PLXNA4: variants seen among roughly 807,000 people sequenced by gnomAD.
PLXNA4 encodes plexin-A4.
Under a neutral mutation model 191.8 loss-of-function variants are expected in PLXNA4, and 44 were observed. That is an observed-to-expected ratio of 0.23 (90% confidence interval 0.18 to 0.29). The LOEUF (loss-of-function observed/expected upper bound fraction) is 0.29, where lower values mean the gene tolerates loss of function less well. Ranked by LOEUF, PLXNA4 falls within the 10% of genes least tolerant of loss-of-function variation. The pLI is 1.00. For synonymous variants in PLXNA4, 1,082 were observed against 1,009.5 expected (o/e 1.07, Z -1.36); for missense variants, 1,800 against 2,488.8 (o/e 0.72, Z 5.89).
At chr7:132,229,082 C>G (rs1037457149) in intron 5 of PLXNA4, among the ~76,000 whole-genome samples, 1 of 152,160 alleles carries the variant, frequency 6.6e-6, no homozygotes, top group Non-Finnish European at 1.5e-5. Flanking sequence ...AAGTGCAGTC[C>G]TCTCCTGCCA....
At chr7:132,394,933 C>T (rs1028829367) in intron 3 of PLXNA4, among the ~76,000 whole-genome samples, 1 of 152,218 alleles carries the variant, frequency 6.6e-6, no homozygotes, top group Non-Finnish European at 1.5e-5. Context: ...GCCGTGGGAC[C>T]AGCCCTGGGG....
chr7:132,457,405 C>T (rs1422330409), intron 3 of PLXNA4, among the ~76,000 whole-genome samples: 2 of 152,214 alleles, frequency 1.3e-5, no homozygotes, highest in African/African-American at 2.4e-5. Context: ...ACATGTCCCC[C>T]ATTGCATCCA....
chr7:132,516,399 T>C (rs1798943868), intron 1 of PLXNA4, among the ~76,000 whole-genome samples: 1 of 152,204 alleles, frequency 6.6e-6, no homozygotes, highest in African/African-American at 2.4e-5. Context: ...AAAGCTGTCT[T>C]GTGTTAGCAA....
At chr7:132,633,099 G>A (rs1456148204) in intron 2 of PLXNA4, among the ~76,000 whole-genome samples, 2 of 152,080 alleles carry the variant, frequency 1.3e-5, no homozygotes, top group Non-Finnish European at 2.9e-5. Flanking sequence ...AAATATTCCT[G>A]GGTCAAGGGC....
chr7:132,234,108 G>C (rs903692976), intron 5 of PLXNA4, among the ~76,000 whole-genome samples: 1 of 152,082 alleles, frequency 6.6e-6, no homozygotes, highest in Non-Finnish European at 1.5e-5. Flanking sequence ...GGGAACGGCA[G>C]GAGAAGGGAA....
chr7:132,610,245 T>G (rs549434883), intron 2 of PLXNA4, among the ~76,000 whole-genome samples: 2 of 152,296 alleles, frequency 1.3e-5, no homozygotes, highest in South Asian at 4.1e-4. Context: ...CTGCTCCTCC[T>G]GGGGAATTTC....
At position 132,190,921 on chromosome 7, in the gene PLXNA4, G is replaced by A. The variant is rs1267690411; in HGVS notation, c.2856+3141C>T. Among the ~76,000 whole-genome samples, 7 of 152,344 alleles carry A rather than the reference G, an allele frequency of 4.6e-5. No homozygotes were observed. The East Asian group carries it at 1.4e-3, about 29-fold the overall frequency. On this transcript the variant is annotated intron_variant, in intron 14 of 31. Coordinates refer to ENST00000321063, the MANE Select transcript of PLXNA4 (RefSeq NM_020911.2). ...ATGCAGTCAGATGTCTGGAGTCCCA[G>A]TAAATGGGGTGGGGTGCAGGGCCTG... is the stretch of plus-strand genomic sequence containing the variant.
chr7:132,227,975 C>T (rs115708663), intron 6 of PLXNA4, among the ~76,000 whole-genome samples: 1 of 152,322 alleles, frequency 6.6e-6, no homozygotes, highest in African/African-American at 2.4e-5. Context: ...GTGCTCAGTG[C>T]TGGAACTTGG....
intron 3 of PLXNA4, among the ~76,000 whole-genome samples, chr7:132,325,372 C>G (rs546942110): frequency 6.6e-6 from 1 of 152,302 alleles, no homozygotes; most frequent in African/African-American, 2.4e-5. Context: ...CTCTAGCACC[C>G]AAGGGCATCT....
intron 15 of PLXNA4, among the ~76,000 whole-genome samples, chr7:132,185,799 C>G (rs1326694570): frequency 6.6e-6 from 1 of 152,184 alleles, no homozygotes; most frequent in Non-Finnish European, 1.5e-5. Context: ...GCAAGAATCA[C>G]GTTAAGTTGG....
chr7:132,427,383 G>C (rs572072559), intron 3 of PLXNA4, among the ~76,000 whole-genome samples: 1 of 152,236 alleles, frequency 6.6e-6, no homozygotes, highest in Non-Finnish European at 1.5e-5. Flanking sequence ...CGCCCCATCA[G>C]AGCCCCTCAC....
chr7:132,578,083 C>T (rs1295765037), upstream of PLXNA4, among the ~76,000 whole-genome samples: 3 of 152,090 alleles, frequency 2.0e-5, no homozygotes, highest in Non-Finnish European at 4.4e-5. Flanking sequence ...TTTCTGAAGC[C>T]CAAAGAAAGA....
At chr7:132,205,060 G>A (rs915699152) in intron 10 of PLXNA4, among the ~76,000 whole-genome samples, 4 of 152,146 alleles carry the variant, frequency 2.6e-5, no homozygotes, top group Admixed American at 6.5e-5. Context: ...AATGGCACCC[G>A]GGCCAAGGCC....
At chr7:132,566,410 G>A (rs1324850133) in intron 1 of PLXNA4, among the ~76,000 whole-genome samples, 2 of 152,116 alleles carry the variant, frequency 1.3e-5, no homozygotes, top group Admixed American at 6.6e-5. Flanking sequence ...ACTACCCAGT[G>A]GTGGAAACCA....
At chr7:132,399,204 T>C (rs959029291) in intron 3 of PLXNA4, among the ~76,000 whole-genome samples, 2 of 152,104 alleles carry the variant, frequency 1.3e-5, no homozygotes, top group South Asian at 2.1e-4. Flanking sequence ...TGGATTCAAA[T>C]GGGCGCAAGG....
chr7:132,435,140 C>T (rs893144524), intron 3 of PLXNA4, among the ~76,000 whole-genome samples: 3 of 152,174 alleles, frequency 2.0e-5, no homozygotes, highest in African/African-American at 7.2e-5. Flanking sequence ...CCTCGGGCTT[C>T]CTGGCCACAC....
rs117083561 is a variant in PLXNA4 at position 132,186,627 on chromosome 7, A to T, written c.2993+844T>A. Among the ~76,000 whole-genome samples, 613 of 152,328 alleles carry T rather than the reference A, an allele frequency of 4.0e-3. 5 individuals carry two copies. Among genetic ancestry groups the T allele is most frequent in the Admixed American group, 7.6e-3 (117 of 15,314 alleles). Reference sequence around the variant, plus strand: ...ACCACCTTTGCAAAAATTGTTGCAAAAAAGTGTGGCACCTGTGCAAAAATT... The same window carrying T: ...ACCACCTTTGCAAAAATTGTTGCAATAAAGTGTGGCACCTGTGCAAAAATT... On this transcript the variant is annotated intron_variant, in intron 15 of 31. Transcript: ENST00000321063.
At chr7:132,503,155 T>C (rs1427525908) in intron 2 of PLXNA4, among the ~76,000 whole-genome samples, 4 of 152,130 alleles carry the variant, frequency 2.6e-5, no homozygotes, top group Non-Finnish European at 4.4e-5. Context: ...GTCACTCCCA[T>C]GACCACAGCC....
At chr7:132,172,750 A>G (rs1796327836) in intron 21 of PLXNA4, among the ~76,000 whole-genome samples, 1 of 136,942 alleles carries the variant, frequency 7.3e-6, no homozygotes, top group African/African-American at 3.0e-5. Flanking sequence ...GTACCCTAAA[A>G]CTTAAAGTAT....
Sources: gnomAD v4.1 joint callset for allele counts (sites outside exome capture counted in the v4.1 genomes callset) on GRCh38, gnomAD v4.1.1 for gene constraint, MANE v1.5 for transcripts, NCBI Gene and HGNC (gene_info 2026-07-23, HGNC 2026-07-21) for gene names.